The following AKR1D1 variants were observed in gnomAD, a reference collection of about 807,000 sequenced individuals.
AKR1D1 encodes delta(4)-3-ketosteroid 5-beta-reductase.
Under a neutral mutation model 42.6 loss-of-function variants are expected in AKR1D1, and 32 were observed. That is an observed-to-expected ratio of 0.75 (90% CI 0.57 to 1.01). The LOEUF (loss-of-function observed/expected upper bound fraction) is 1.01, where lower values mean the gene tolerates loss of function less well. Ranked by LOEUF, AKR1D1 falls within the 50% of genes least tolerant of loss-of-function variation. The pLI, the probability that AKR1D1 is intolerant of heterozygous loss-of-function variation, is 0.00. For missense variants in AKR1D1, 364 were observed against 402.2 expected, an observed-to-expected ratio of 0.91 and a Z score of 0.81; for synonymous variants, 123 against 135.5, an observed-to-expected ratio of 0.91 and a Z score of 0.64.
intron 1 of AKR1D1, among the ~76,000 whole-genome samples, chr7:138,082,359 A>C (rs1357290436): frequency 1.3e-5 from 2 of 151,428 alleles, no homozygotes; most frequent in Non-Finnish European, 2.9e-5. Context: ...TTTTAAATTT[A>C]ATTTTCTTTT....
chr7:138,084,659 C>A (rs1030985010), intron 1 of AKR1D1, among the ~76,000 whole-genome samples: 1 of 152,078 alleles, frequency 6.6e-6, no homozygotes, highest in Non-Finnish European at 1.5e-5. Flanking sequence ...CCTATCATAT[C>A]ATTTATGTGG....
intron 7 of AKR1D1, among the ~76,000 whole-genome samples, chr7:138,112,689 G>T (rs1794557679): frequency 1.3e-5 from 2 of 151,696 alleles, no homozygotes. Context: ...TTTGCAAAGA[G>T]CGTATATTTA....
intron 5 of AKR1D1, among the ~76,000 whole-genome samples, chr7:138,106,342 C>T (rs1406767036): frequency 1.3e-5 from 2 of 152,010 alleles, no homozygotes; most frequent in Non-Finnish European, 2.9e-5. Flanking sequence ...ATGGAAACAA[C>T]ATAATACAAA....
intron 7 of AKR1D1, among the ~76,000 whole-genome samples, chr7:138,107,979 C>T (rs1427600609): frequency 6.6e-6 from 1 of 152,040 alleles, no homozygotes; most frequent in East Asian, 1.9e-4. Flanking sequence ...CCACTGTACC[C>T]AGCCTCTTCC....
rs1794441310 is a variant in AKR1D1 at position 138,106,700 on chromosome 7, C to T, written c.672C>T (p.Thr224=). 6.2e-7 allele frequency: 1 copy of T among 1,610,992 alleles called. No homozygotes were observed. The highest frequency in any genetic ancestry group is 1.1e-5 in the South Asian group (1 of 91,034). ...TTACTGCATATAGCCCTTTGGGGACCAGTAGGAATCCAATCTGGTAAGTAA... is the reference window on the plus strand; with the variant it reads ...TTACTGCATATAGCCCTTTGGGGACTAGTAGGAATCCAATCTGGTAAGTAA... ...IVITAYSPLG[T]SRNPIWVNVS... Residue 224 remains threonine (T), a synonymous_variant, in exon 6 of 9, where the codon ACC becomes ACT. Transcript: ENST00000242375.
intron 1 of AKR1D1, among the ~76,000 whole-genome samples, chr7:138,082,321 A>G (rs1353019402): frequency 6.6e-6 from 1 of 151,728 alleles, no homozygotes; most frequent in Non-Finnish European, 1.5e-5. Flanking sequence ...CCTGTCCTCT[A>G]CAGAGATTTT....
chr7:138,090,213 A>G (rs963431700), intron 2 of AKR1D1, among the ~76,000 whole-genome samples: 2 of 152,212 alleles, frequency 1.3e-5, no homozygotes, highest in Admixed American at 6.5e-5. Flanking sequence ...AAACACACGT[A>G]ACACATTTTT....
chr7:138,084,889 C>T (rs1311693522), intron 1 of AKR1D1, among the ~76,000 whole-genome samples: 1 of 151,810 alleles, frequency 6.6e-6, no homozygotes, highest in Non-Finnish European at 1.5e-5. Flanking sequence ...AACCCCGTCT[C>T]TACTGAAAAT....
At chr7:138,114,898 T>C (rs1246298195) in intron 8 of AKR1D1, among the ~76,000 whole-genome samples, 1 of 152,148 alleles carries the variant, frequency 6.6e-6, no homozygotes, top group East Asian at 1.9e-4. Context: ...TTACTGATCC[T>C]ACTGTTTTTC....
Position 138,116,678 on chromosome 7 carries a change from G to C in AKR1D1, c.*16G>C, listed in dbSNP as rs1427764924. The C allele has an allele frequency of 1.2e-6, 2 of 1,613,774 alleles. No homozygotes were observed. The highest frequency in any genetic ancestry group is 1.3e-5 in the African/African-American group (1 of 74,898). ...TGAATACTGACTGCAGGGAGTTCCTGAACAGATTTTTCACTCCCACGAGTG... is the reference window on the plus strand; with the variant it reads ...TGAATACTGACTGCAGGGAGTTCCTCAACAGATTTTTCACTCCCACGAGTG... On this transcript the variant is annotated 3_prime_UTR_variant, in exon 9 of 9. Transcript: ENST00000242375.
intron 3 of AKR1D1, among the ~76,000 whole-genome samples, chr7:138,094,060 A>G (rs963842136): frequency 1.3e-5 from 2 of 152,234 alleles, no homozygotes; most frequent in Admixed American, 1.3e-4. Flanking sequence ...GATAATTTCT[A>G]TTCTTATTTT....
chr7:138,089,784 G>A (rs1794026923), intron 2 of AKR1D1, among the ~76,000 whole-genome samples: 1 of 152,156 alleles, frequency 6.6e-6, no homozygotes, highest in South Asian at 2.1e-4. Context: ...CTGAGTTCAT[G>A]TAATGTGCCA....
At chr7:138,101,191 C>CCCTTCCTCCCTTCCTT (rs1794308809) in intron 4 of AKR1D1, among the ~76,000 whole-genome samples, 1 of 20,576 alleles carries the variant, frequency 4.9e-5, no homozygotes, top group Non-Finnish European at 8.9e-5. Flanking sequence ...CTCCCTCCCT[C>CCCTTCCTCCCTTCCTT]CCTTCCTTCC....
intron 7 of AKR1D1, among the ~76,000 whole-genome samples, chr7:138,112,948 T>C (rs1432130145): frequency 6.6e-6 from 1 of 151,806 alleles, no homozygotes; most frequent in African/African-American, 2.4e-5. Context: ...AGAAGAGACA[T>C]AAAAAATGAG....
chr7:138,101,087 A>C (rs185121365), intron 4 of AKR1D1, among the ~76,000 whole-genome samples: 2 of 152,252 alleles, frequency 1.3e-5, no homozygotes, highest in Admixed American at 6.5e-5. Context: ...AGATTTAAAC[A>C]TTATCAACCT....
rs1222751373 is a variant in AKR1D1, at chr7:138,101,191, CCCTTCCTTCCTT to C, written c.456+3267_456+3278del. Reference sequence around the variant, plus strand: ...TCCCTCCCTCCCTCCCTCCCTCCCTCCCTTCCTTCCTTCCTTCCTTCCTTCCTTCCACGAGTC... The same window carrying C: ...TCCCTCCCTCCCTCCCTCCCTCCCTCCCTTCCTTCCTTCCTTCCACGAGTC... On this transcript the variant is annotated intron_variant, in intron 4 of 8. Coordinates refer to ENST00000242375, the MANE Select transcript of AKR1D1 (RefSeq NM_005989.4). Among the ~76,000 whole-genome samples, 34 of 20,574 alleles carry C rather than the reference CCCTTCCTTCCTT, an allele frequency of 1.7e-3. 1 individual carries two copies. Among genetic ancestry groups the C allele is most frequent in the African/African-American group, 6.8e-3 (30 of 4,394 alleles). 13.5% of individuals were successfully genotyped at this position (20,574 alleles called of 152,430 possible).
At chr7:138,104,529 C>T (rs1205430125) in intron 4 of AKR1D1, among the ~76,000 whole-genome samples, 1 of 151,998 alleles carries the variant, frequency 6.6e-6, no homozygotes, top group Non-Finnish European at 1.5e-5. Context: ...GAAACTCCAT[C>T]TCTACTAAAA....
intron 6 of AKR1D1, among the ~76,000 whole-genome samples, chr7:138,106,991 G>A (rs888951569): frequency 1.3e-5 from 2 of 152,184 alleles, no homozygotes; most frequent in African/African-American, 4.8e-5. Context: ...CTATGGCCAT[G>A]TTTTGCAAAT....
intron 3 of AKR1D1, among the ~76,000 whole-genome samples, chr7:138,093,682 TAGA>T (rs144710611): frequency 0.031 from 4,662 of 152,316 alleles, 239 homozygotes; most frequent in African/African-American, 0.1. Context: ...TTTTTAAAAG[TAGA>T]AGGAGAACAT....
Sources: allele counts gnomAD v4.1 joint callset (sites outside exome capture counted in the v4.1 genomes callset), GRCh38; gene constraint gnomAD v4.1.1; transcripts MANE v1.5; gene names NCBI Gene and HGNC (gene_info 2026-07-23, HGNC 2026-07-21).